The following ERO1B variants were observed in gnomAD, a reference collection of about 807,000 sequenced individuals.
ERO1B encodes ERO1-like protein beta.
ERO1B carries 49 observed loss-of-function variants against 75.3 expected under a neutral mutation model. The ratio of observed to expected loss-of-function variants is 0.65; its 90% confidence interval spans 0.52 to 0.83. The LOEUF (loss-of-function observed/expected upper bound fraction) is 0.83, where lower values mean the gene tolerates loss of function less well. Among genes scored for constraint, ERO1B ranks in the 40% least tolerant of loss-of-function variants. The pLI, the probability that ERO1B is intolerant of heterozygous loss-of-function variation, is 0.00. For missense variants in ERO1B, 512 were observed against 560.1 expected (o/e 0.91, Z 0.87); for synonymous variants, 191 against 192.9 (o/e 0.99, Z 0.08).
In ERO1B at chr1:236,217,745, G is replaced by C. The variant is rs1369430416; in HGVS notation, c.*771C>G. On this transcript the variant is annotated 3_prime_UTR_variant, in exon 16 of 16. Coordinates refer to ENST00000354619, the MANE Select transcript of ERO1B (RefSeq NM_019891.4). ...CTAAAATTTCTAGGGGCAGAGAAAA[G>C]CAAAATCAAAAGGAGTTCTAAGTAA... 2.0e-5 allele frequency: 3 copies of C among 152,314 alleles called. No individual in the cohort carries two copies. The highest frequency in any genetic ancestry group is 1.3e-4 in the Admixed American group (2 of 15,248). 9.4% of individuals were successfully genotyped at this position (152,314 alleles called of 1,614,324 possible). A position where few individuals can be genotyped will look rare whatever the true frequency, so the allele number is the denominator to read the frequency against.
intron 1 of ERO1B, among the ~76,000 whole-genome samples, chr1:236,272,882 T>C (rs1665628405): frequency 6.6e-6 from 1 of 152,198 alleles, no homozygotes; most frequent in Non-Finnish European, 1.5e-5. Flanking sequence ...CACGTTATTA[T>C]GGCATCTATG....
At chr1:236,250,541 A>G (rs1472073969) in intron 4 of ERO1B, among the ~76,000 whole-genome samples, 1 of 121,380 alleles carries the variant, frequency 8.2e-6, no homozygotes, top group African/African-American at 2.9e-5. Context: ...TATCAACTGA[A>G]AAAACAACCC....
At position 236,245,625 on chromosome 1, in the gene ERO1B, A is replaced by G. The variant is rs188998884; in HGVS notation, c.432-2130T>C. On this transcript the variant is annotated intron_variant, in intron 5 of 15. Coordinates refer to ENST00000354619, the MANE Select transcript of ERO1B (RefSeq NM_019891.4). Reference sequence around the variant, plus strand: ...TTTTGAGACACAGTTTTACTCTGTCACCCAGGCTGGAGTGTAGTGGCACGA... The same window carrying G: ...TTTTGAGACACAGTTTTACTCTGTCGCCCAGGCTGGAGTGTAGTGGCACGA... Among the ~76,000 whole-genome samples the G allele has an allele frequency of 1.7e-3, 195 of 112,988 alleles. 2 individuals are homozygous for G. The highest frequency in any genetic ancestry group is 6.6e-3 in the African/African-American group (183 of 27,634). 74.1% of individuals were successfully genotyped at this position (112,988 alleles called of 152,430 possible).
At chr1:236,224,321 A>T (rs1035431966) in intron 13 of ERO1B, among the ~76,000 whole-genome samples, 8 of 152,130 alleles carry the variant, frequency 5.3e-5, no homozygotes, top group African/African-American at 1.9e-4. Flanking sequence ...AGTTGTACTC[A>T]AAGATTATTT....
At chr1:236,275,802 A>G (rs1016123900) in intron 1 of ERO1B, among the ~76,000 whole-genome samples, 1 of 152,236 alleles carries the variant, frequency 6.6e-6, no homozygotes, top group Admixed American at 6.5e-5. Context: ...AAGGGTTTTA[A>G]AGGGCTCTAT....
In ERO1B at chr1:236,225,068, A is replaced by G. The variant is rs766870070; in HGVS notation, c.1122+2T>C. 27 of 1,613,542 alleles carry G rather than the reference A, an allele frequency of 1.7e-5. No homozygotes were observed. The highest frequency in any genetic ancestry group is 2.2e-5 in the Non-Finnish European group (26 of 1,179,622). ...CCCGTGTCCCAATCGAGAACTTTTT[A>G]CCTTTAGTGACTTGGCCCCTTTTTT... On this transcript the variant is annotated splice_donor_variant, in intron 13 of 15. Transcript: ENST00000354619. LOFTEE classifies it high-confidence loss of function.
At chr1:236,226,775 A>C in intron 10 of ERO1B, 36 bp from the exon 11 acceptor site, 2 of 1,492,718 alleles carry the variant, frequency 1.3e-6, no homozygotes, top group Non-Finnish European at 1.8e-6. Flanking sequence ...AATTACACCT[A>C]TTTAGATATC....
intron 9 of ERO1B, among the ~76,000 whole-genome samples, chr1:236,230,532 G>C (rs1390427676): frequency 6.9e-6 from 1 of 144,522 alleles, no homozygotes; most frequent in East Asian, 2.0e-4. Flanking sequence ...GAATTGCTTG[G>C]ACCCAGGAGG....
chr1:236,281,626 G>A (rs1665832328), intron 1 of ERO1B, 56 bp downstream of exon 1: 6 of 1,202,804 alleles, frequency 5.0e-6, no homozygotes, highest in Non-Finnish European at 3.2e-6. Flanking sequence ...CGGCCCGTGT[G>A]TAGCGGCCGC....
At chr1:236,220,258 T>C (rs1349969454) in intron 15 of ERO1B, 2 of 151,944 alleles carry the variant, frequency 1.3e-5, no homozygotes. Flanking sequence ...TGTTCTGTAT[T>C]CCTCAGTTGG....
intron 2 of ERO1B, among the ~76,000 whole-genome samples, chr1:236,263,849 C>G (rs1350893579): frequency 3.0e-5 from 4 of 133,204 alleles, no homozygotes. Context: ...GTCTCAACCT[C>G]CTGGGCTCAA....
intron 2 of ERO1B, among the ~76,000 whole-genome samples, chr1:236,268,386 A>G (rs116718347): frequency 0.013 from 1,973 of 151,520 alleles, 20 homozygotes; most frequent in Admixed American, 0.023. Flanking sequence ...GTTGCAGTGA[A>G]CTGAGATGGA....
chr1:236,219,531 A>G (rs1309683583), intron 15 of ERO1B, among the ~76,000 whole-genome samples: 7 of 152,168 alleles, frequency 4.6e-5, no homozygotes, highest in Non-Finnish European at 8.8e-5. Context: ...GTTATTTACA[A>G]TATTTTTCAT....
At chr1:236,243,538 A>G in intron 5 of ERO1B, 43 bp from the exon 6 acceptor site, 1 of 1,378,884 alleles carries the variant, frequency 7.3e-7, no homozygotes. Context: ...TTAAATTTGG[A>G]GCTGAAACTT....
At chr1:236,268,621 T>TCA (rs1444793356) in intron 2 of ERO1B, among the ~76,000 whole-genome samples, 2 of 152,006 alleles carry the variant, frequency 1.3e-5, no homozygotes, top group Non-Finnish European at 2.9e-5. Context: ...GCGCGGTGGC[T>TCA]CACGCCTGTA....
intron 10 of ERO1B, among the ~76,000 whole-genome samples, chr1:236,229,736 A>G (rs1664356487): frequency 6.6e-6 from 1 of 152,218 alleles, no homozygotes; most frequent in South Asian, 2.1e-4. Context: ...ACAAGAATGC[A>G]AAAGCATCTA....
Position 236,235,807 on chromosome 1 carries a change from G to C in ERO1B, c.655C>G (p.Pro219Ala). Residue 219 changes from proline to alanine, a missense_variant, in exon 8 of 16, where the codon CCT becomes GCT. Pro to Ala is a conservative substitution (Grantham distance 27, BLOSUM62 -1). Transcript: ENST00000354619. The part of the protein sequence containing the change: ...KPRSVYRPLN[P>A]LAPSRGEDDG... The stretch of plus-strand genomic sequence containing the variant: ...AACCTACCTCGGCTAGGCGCCAGAG[G>C]ATTTAAAGGACGATAAACAGATCGA... 6.2e-7 allele frequency: 1 copy of C among 1,612,050 alleles called. No individual in the cohort carries two copies. Among genetic ancestry groups the C allele is most frequent in the Non-Finnish European group, 8.5e-7 (1 of 1,179,154 alleles).
At chr1:236,274,907 A>T (rs1228560497) in intron 1 of ERO1B, among the ~76,000 whole-genome samples, 1 of 152,198 alleles carries the variant, frequency 6.6e-6, no homozygotes, top group Non-Finnish European at 1.5e-5. Context: ...GGGGCTGCTA[A>T]CCATTTAAAA....
At chr1:236,236,987 T>G (rs1330388744) in intron 6 of ERO1B, among the ~76,000 whole-genome samples, 2 of 151,798 alleles carry the variant, frequency 1.3e-5, no homozygotes, top group Non-Finnish European at 2.9e-5. Context: ...TATTGAAGTG[T>G]TTTTTTTGCT....
Sources: gnomAD v4.1 joint callset for allele counts (sites outside exome capture counted in the v4.1 genomes callset) on GRCh38, gnomAD v4.1.1 for gene constraint, MANE v1.5 for transcripts, NCBI Gene and HGNC (gene_info 2026-07-23, HGNC 2026-07-21) for gene names.